Variants in ULBP3 observed in about 807,000 individuals in gnomAD.
The protein encoded by ULBP3 is UL16 binding protein 3.
ULBP3 carries 25 observed loss-of-function variants against 24.9 expected under a neutral mutation model. The ratio of observed to expected loss-of-function variants is 1.00; its 90% CI spans 0.73 to 1.40. The LOEUF (loss-of-function observed/expected upper bound fraction) is 1.40. ULBP3 is among the 40% of genes most tolerant of loss of function. ULBP3 has a pLI of 0.00. For synonymous variants in ULBP3, 114 were observed against 114.7 expected (o/e 0.99, Z 0.04); for missense variants, 306 against 307.5 (o/e 1.00, Z 0.04).
intron 2 of ULBP3, 37 bp from the exon 3 acceptor site, chr6:150,065,710 C>A (rs1776336098): frequency 6.2e-7 from 1 of 1,607,548 alleles, no homozygotes; most frequent in East Asian, 2.2e-5. Context: ...CTGGTGTTTA[C>A]AAATTCTCTT....
chr6:150,065,251 AC>A, intron 3 of ULBP3, 146 bp downstream of exon 3: 1 of 1,175,622 alleles, frequency 8.5e-7, no homozygotes, highest in South Asian at 1.5e-5. Context: ...TCTTACACTC[AC>A]TCAAACACAC....
At position 150,062,652 on chromosome 6, in the gene ULBP3, C is replaced by G. The variant is rs1336206646; in HGVS notation, c.*722G>C. Among the ~76,000 whole-genome samples the G allele has an allele frequency of 6.6e-6, 1 of 152,110 alleles. No individual in the cohort carries two copies. Among genetic ancestry groups the G allele is most frequent in the South Asian group, 2.1e-4 (1 of 4,814 alleles). ...CCTGCATGCTATTTTACTAGCAATA[C>G]CGTTTCGAAGAATAAGGTCATGCTT... On this transcript the variant is annotated 3_prime_UTR_variant, in exon 5 of 5. Transcript: ENST00000367339.
intron 1 of ULBP3, among the ~76,000 whole-genome samples, chr6:150,068,296 G>A (rs924563084): frequency 2.0e-5 from 3 of 152,184 alleles, no homozygotes; most frequent in Non-Finnish European, 2.9e-5. Flanking sequence ...CCTCCCAGAA[G>A]CCACAGGCAG....
intron 1 of ULBP3, 61 bp downstream of exon 1, chr6:150,068,918 T>C: frequency 6.7e-7 from 1 of 1,495,940 alleles, no homozygotes; most frequent in Non-Finnish European, 9.0e-7. Flanking sequence ...TGAAACCCGC[T>C]GCAGTCCACA....
rs1776273938 is a variant in ULBP3, at chr6:150,061,540, A to G, written c.*1834T>C. 6.6e-6 allele frequency among the ~76,000 whole-genome samples: 1 copy of G among 152,228 alleles called. No homozygotes were observed. Among genetic ancestry groups the G allele is most frequent in the Admixed American group, 6.5e-5 (1 of 15,284 alleles). Reference sequence around the variant, plus strand: ...CTGTTCTTGCATTAGGTTGCTTAGGATAATAGCCTCTAGTTCCATCCATGT... The same window carrying G: ...CTGTTCTTGCATTAGGTTGCTTAGGGTAATAGCCTCTAGTTCCATCCATGT... On this transcript the variant is annotated 3_prime_UTR_variant, in exon 5 of 5. Transcript: ENST00000367339.
At chr6:150,064,558 T>C in intron 4 of ULBP3, 27 bp downstream of exon 4, 1 of 1,594,664 alleles carries the variant, frequency 6.3e-7, no homozygotes, top group Non-Finnish European at 8.6e-7. Flanking sequence ...CTGTCTCTCG[T>C]TCCCCTCACA....
Position 150,061,469 on chromosome 6 carries a change from A to G in ULBP3, c.*1905T>C, listed in dbSNP as rs1582863186. 6.6e-6 allele frequency among the ~76,000 whole-genome samples: 1 copy of G among 152,088 alleles called. No homozygotes were observed. The highest frequency in any genetic ancestry group is 6.5e-5 in the Admixed American group (1 of 15,274). On this transcript the variant is annotated 3_prime_UTR_variant, in exon 5 of 5. Transcript: ENST00000367339. ...AGTGCCTCTGGTTCATGTGAATTCA[A>G]TGTGTAGCTGCCACTTTCCAATGGG...
rs1476520788 is a variant in ULBP3, at chr6:150,061,124, T to A, written c.*2250A>T. ...TATAACTTTTATACAATTATCATCA[T>A]ATACAACTTACGATTATTTTAAATG... On this transcript the variant is annotated 3_prime_UTR_variant, in exon 5 of 5. Coordinates refer to ENST00000367339, the MANE Select transcript of ULBP3 (RefSeq NM_024518.3). Among the ~76,000 whole-genome samples, 1 of 152,154 alleles carries A rather than the reference T, an allele frequency of 6.6e-6. No individual in the cohort carries two copies. The highest frequency in any genetic ancestry group is 1.5e-5 in the Non-Finnish European group (1 of 68,034).
At chr6:150,063,450 C>G in intron 4 of ULBP3, 99 bp from the exon 5 acceptor site, 1 of 601,572 alleles carries the variant, frequency 1.7e-6, no homozygotes, top group Non-Finnish European at 2.1e-6. Context: ...CAGAGCTTCT[C>G]CCCCAGATAA....
rs1483074666 is a variant in ULBP3 at position 150,066,035 on chromosome 6, G to T, written c.216C>A (p.Val72=). 3 of 1,614,080 alleles carry T rather than the reference G, an allele frequency of 1.9e-6. No homozygotes were observed. The African/African-American group carries it at 4.0e-5, about 22-fold the overall frequency. The part of the protein sequence containing the change: ...FLSYDCGSDK[V]LSMGHLEEQL... Reference sequence around the variant, plus strand: ...GCTCTTCTAGGTGACCCATAGATAAGACCTTGTCACTGCCACAGTCATAGG... The same window carrying T: ...GCTCTTCTAGGTGACCCATAGATAATACCTTGTCACTGCCACAGTCATAGG... The change falls in exon 2 of 5, where the codon GTC becomes GTA. Residue 72 remains valine, a synonymous_variant. Transcript: ENST00000367339.
intron 1 of ULBP3, among the ~76,000 whole-genome samples, chr6:150,067,787 A>G (rs566646069): frequency 6.6e-6 from 1 of 152,170 alleles, no homozygotes; most frequent in Non-Finnish European, 1.5e-5. Context: ...TGGTTGGAAA[A>G]GGTGCTATGT....
At chr6:150,067,204 C>T (rs1270436033) in intron 1 of ULBP3, among the ~76,000 whole-genome samples, 1 of 152,158 alleles carries the variant, frequency 6.6e-6, no homozygotes, top group Non-Finnish European at 1.5e-5. Flanking sequence ...AATAACTGAG[C>T]TCCCTCGCCC....
At chr6:150,064,791 C>T in intron 3 of ULBP3, 78 bp from the exon 4 acceptor site, 1 of 1,464,314 alleles carries the variant, frequency 6.8e-7, no homozygotes, top group Admixed American at 1.8e-5. Flanking sequence ...TCCTGCTACC[C>T]CAGGTCATCC....
rs183416462 is a variant in ULBP3, at chr6:150,061,779, G to A, written c.*1595C>T. Among the ~76,000 whole-genome samples, 1 of 152,336 alleles carries A rather than the reference G, an allele frequency of 6.6e-6. No homozygotes were observed. Among genetic ancestry groups the A allele is most frequent in the East Asian group, 1.9e-4 (1 of 5,190 alleles). Reference sequence around the variant, plus strand: ...CCTGTGGATATATCCCGAGTAGTGGGATTGCAGGCTTGAATGGTAGTTCTA... The same window carrying A: ...CCTGTGGATATATCCCGAGTAGTGGAATTGCAGGCTTGAATGGTAGTTCTA... On this transcript the variant is annotated 3_prime_UTR_variant, in exon 5 of 5. Coordinates refer to ENST00000367339, the MANE Select transcript of ULBP3 (RefSeq NM_024518.3).
At chr6:150,064,843 C>T in intron 3 of ULBP3, 130 bp from the exon 4 acceptor site, 1 of 890,516 alleles carries the variant, frequency 1.1e-6, no homozygotes, top group Non-Finnish European at 1.7e-6. Flanking sequence ...GGGGCAGCCG[C>T]TGTGACAGGT....
At chr6:150,065,701 T>C (rs1399352547) in intron 2 of ULBP3, 28 bp from the exon 3 acceptor site, 46 of 1,610,988 alleles carry the variant, frequency 2.9e-5, no homozygotes, top group Non-Finnish European at 3.7e-5. Context: ...AGATCAGCCC[T>C]GGTGTTTACA....
In ULBP3 at chr6:150,065,437, C is replaced by T. The variant is rs760685893; in HGVS notation, c.589G>A (p.Asp197Asn). 3 of 1,614,048 alleles carry T rather than the reference C, an allele frequency of 1.9e-6. No individual in the cohort carries two copies. Among genetic ancestry groups the T allele is most frequent in the South Asian group, 1.1e-5 (1 of 91,080 alleles). The change falls in exon 3 of 5, where the codon GAC (aspartate) becomes AAC (asparagine). Residue 197 changes from aspartate (D) to asparagine (N), a missense_variant. Coordinates refer to ENST00000367339, the MANE Select transcript of ULBP3 (RefSeq NM_024518.3). ...CTCTTCTTCCTGTGCATCAGGAAGT[C>T]CCTAAGCCAGCTCTTGCAGTCTCTC... ...SMRDCKSWLR[D>N]FLMHRKKRLE...
intron 1 of ULBP3, among the ~76,000 whole-genome samples, chr6:150,066,371 C>T (rs1259401762): frequency 6.6e-6 from 1 of 152,140 alleles, no homozygotes; most frequent in Non-Finnish European, 1.5e-5. Flanking sequence ...TCCGTCAGCA[C>T]AGGACCCTGC....
At position 150,068,948 on chromosome 6, in the gene ULBP3, C is replaced by T. The variant is rs1441282679; in HGVS notation, c.88+31G>A. ...TCCACAGCCCCCCAGGTTTGGCCCC[C>T]GCCCCGCTTAGGCTCCATCCCCGAA... On this transcript the variant is annotated intron_variant, in intron 1 of 4. Coordinates refer to ENST00000367339, the MANE Select transcript of ULBP3 (RefSeq NM_024518.3). The T allele has an allele frequency of 3.2e-6, 5 of 1,569,486 alleles. No individual in the cohort carries two copies. In the Admixed American group the frequency reaches 5.4e-5, roughly 17 times the overall value.
Sources: allele counts gnomAD v4.1 joint callset (sites outside exome capture counted in the v4.1 genomes callset), GRCh38; gene constraint gnomAD v4.1.1; transcripts MANE v1.5; gene names NCBI Gene and HGNC (gene_info 2026-07-23, HGNC 2026-07-21).